The following PEX14 variants were observed in gnomAD, a reference collection of about 807,000 sequenced individuals.
PEX14 encodes the protein peroxisomal biogenesis factor 14, also known as peroxisomal membrane protein PEX14.
In PEX14, 15 loss-of-function variants were observed where a neutral mutation model predicts 49.5. That is an observed-to-expected ratio of 0.30 (90% CI 0.20 to 0.47). The LOEUF is 0.47. Ranked by LOEUF, PEX14 falls within the 20% of genes least tolerant of loss-of-function variation. The pLI, the probability that PEX14 is intolerant of heterozygous loss-of-function variation, is 1.00. For synonymous variants in PEX14, 210 were observed against 212.7 expected, an observed-to-expected ratio of 0.99 and a Z score of 0.11; for missense variants, 398 against 494.8, an observed-to-expected ratio of 0.80 and a Z score of 1.86.
Position 10,630,163 on chromosome 1 carries a change from T to A in PEX14, c.*176T>A, listed in dbSNP as rs1338101937. 2.0e-6 allele frequency: 2 copies of A among 1,023,204 alleles called. No individual in the cohort carries two copies. The highest frequency in any genetic ancestry group is 3.2e-5 in the African/African-American group (2 of 62,276). The allele number at this position is 1,023,204 out of a possible 1,614,324, so 63.4% of individuals were successfully genotyped here. On this transcript the variant is annotated 3_prime_UTR_variant, in exon 9 of 9. Coordinates refer to ENST00000356607, the MANE Select transcript of PEX14 (RefSeq NM_004565.3). The surrounding 1 kb of genome is among the most constrained non-coding windows in gnomAD (Gnocchi z 4.1). ...GTGGGGAGTCACACTTCTGTCCACC[T>A]GGCCTCCTCTCGCCTGGCCGCCAGC...
rs1212178309 is a variant in PEX14, at chr1:10,539,082, G to T, written c.169+2785G>T. ...GCATGTCAGTTCAGTGGAAAATGAG[G>T]CGCATCAGCTGAGTTTGTTTCATTG... On this transcript the variant is annotated intron_variant, in intron 3 of 8. Coordinates refer to ENST00000356607, the MANE Select transcript of PEX14 (RefSeq NM_004565.3). The surrounding 1 kb of genome is among the most constrained non-coding windows in gnomAD (Gnocchi z 4.6). 6.6e-6 allele frequency among the ~76,000 whole-genome samples: 1 copy of T among 152,080 alleles called. No homozygotes were observed. The highest frequency in any genetic ancestry group is 6.5e-5 in the Admixed American group (1 of 15,276).
chr1:10,618,270 GC>G, intron 4 of PEX14, 61 bp from the exon 5 acceptor site: 1 of 1,326,806 alleles, frequency 7.5e-7, no homozygotes. Flanking sequence ...ACCTGTGCCA[GC>G]CCCCACCCGA....
rs1641530564 is a variant in PEX14, at chr1:10,494,862, A to G, written c.37-412A>G. ...GAATCTGGTTCTCCACTGCTGCGCG[A>G]CTTTTCTTCCCAGTCCCCTGACGTT... On this transcript the variant is annotated intron_variant, in intron 1 of 8. Coordinates refer to ENST00000356607, the MANE Select transcript of PEX14 (RefSeq NM_004565.3). This position sits in a 1 kb window ranked among gnomAD's most constrained non-coding sequence, Gnocchi z 4.3. Among the ~76,000 whole-genome samples the G allele has an allele frequency of 6.6e-6, 1 of 152,162 alleles. No homozygotes were observed. Among genetic ancestry groups the G allele is most frequent in the Admixed American group, 6.5e-5 (1 of 15,268 alleles).
intron 2 of PEX14, among the ~76,000 whole-genome samples, chr1:10,502,454 T>C (rs1641698383): frequency 1.3e-5 from 2 of 152,242 alleles, no homozygotes; most frequent in African/African-American, 2.4e-5. Context: ...TTGCATAGAC[T>C]AGGCGGTGCC....
At chr1:10,523,768 T>G (rs1001440208) in intron 2 of PEX14, among the ~76,000 whole-genome samples, 1 of 151,068 alleles carries the variant, frequency 6.6e-6, no homozygotes, top group Non-Finnish European at 1.5e-5. Context: ...ATCGATATTC[T>G]AGGAGAAGCT....
chr1:10,593,400 A>C (rs1171821727), intron 3 of PEX14, among the ~76,000 whole-genome samples: 1 of 152,130 alleles, frequency 6.6e-6, no homozygotes, highest in Non-Finnish European at 1.5e-5. Context: ...GGGCATCATC[A>C]GCAACTTTTT....
chr1:10,495,419 C>T lies in PEX14; in HGVS notation c.84+98C>T. The T allele has an allele frequency of 1.0e-6, 1 of 998,990 alleles. No homozygotes were observed. The highest frequency in any genetic ancestry group is 2.6e-5 in the East Asian group (1 of 38,496). 61.9% of individuals were successfully genotyped at this position (998,990 alleles called of 1,614,324 possible). ...TCCTATGGTTCTGCGTCAGTAGTGT[C>T]CCTTTAAAAGTAGCTGTTACCTAGA... On this transcript the variant is annotated intron_variant, in intron 2 of 8. Transcript: ENST00000356607. This position sits in a 1 kb window ranked among gnomAD's most constrained non-coding sequence, Gnocchi z 4.2.
chr1:10,519,661 C>T (rs1329175208), intron 2 of PEX14, among the ~76,000 whole-genome samples: 1 of 152,250 alleles, frequency 6.6e-6, no homozygotes, highest in Non-Finnish European at 1.5e-5. Context: ...TTAAATATTT[C>T]TACAGAGACA....
intron 1 of PEX14, among the ~76,000 whole-genome samples, chr1:10,485,352 G>A (rs1182155089): frequency 1.6e-5 from 2 of 128,556 alleles, no homozygotes; most frequent in Middle Eastern, 5.0e-3. Context: ...TGTCTTTGTC[G>A]CCCAAGCTGG....
At chr1:10,579,041 C>T (rs1640234683) in intron 3 of PEX14, among the ~76,000 whole-genome samples, 1 of 135,740 alleles carries the variant, frequency 7.4e-6, no homozygotes, top group Non-Finnish European at 1.7e-5. Flanking sequence ...GAGAAATTTC[C>T]AATTTTGATT....
chr1:10,545,835 A>G (rs910739358), intron 3 of PEX14, among the ~76,000 whole-genome samples: 47 of 151,820 alleles, frequency 3.1e-4, no homozygotes, highest in Non-Finnish European at 1.0e-4. Context: ...CTTTAGATGG[A>G]AGGGTTGAGA....
At chr1:10,571,530 C>T (rs565579648) in intron 3 of PEX14, among the ~76,000 whole-genome samples, 13 of 152,040 alleles carry the variant, frequency 8.6e-5, no homozygotes, top group Non-Finnish European at 1.6e-4. Context: ...TAAGATGGGC[C>T]GGGCACAGTG....
chr1:10,583,873 G>A (rs965679688), intron 3 of PEX14, among the ~76,000 whole-genome samples: 1 of 152,100 alleles, frequency 6.6e-6, no homozygotes, highest in African/African-American at 2.4e-5. Flanking sequence ...GCAAATTCCA[G>A]GAACAAGAAT....
intron 6 of PEX14, 22 bp from the exon 7 acceptor site, chr1:10,624,301 TGTGAATTTGCCAGCGCC>T: frequency 7.6e-7 from 1 of 1,322,932 alleles, no homozygotes; most frequent in African/African-American, 1.4e-5. Context: ...CGTCTGTGCC[TGTGAATTTGCCAGCGCC>T]GTGACTGCTT....
chr1:10,589,519 G>A (rs1003456142), intron 3 of PEX14, among the ~76,000 whole-genome samples: 2 of 151,988 alleles, frequency 1.3e-5, no homozygotes, highest in Non-Finnish European at 2.9e-5. Context: ...CAAGTAGCTG[G>A]CACTACAGGT....
intron 3 of PEX14, among the ~76,000 whole-genome samples, chr1:10,555,786 A>G (rs940604688): frequency 6.6e-6 from 1 of 152,182 alleles, no homozygotes; most frequent in South Asian, 2.1e-4. Context: ...TTGCCCGTTC[A>G]TTAGGTTTTC....
In PEX14 at chr1:10,494,809, C is replaced by T. The variant is rs927110445; in HGVS notation, c.37-465C>T. On this transcript the variant is annotated intron_variant, in intron 1 of 8. Transcript: ENST00000356607. This position sits in a 1 kb window ranked among gnomAD's most constrained non-coding sequence, Gnocchi z 4.3. The stretch of plus-strand genomic sequence containing the variant: ...CTAGATGCCCAGAGAAAATCCTGAG[C>T]GTGGGCAGCTGGGGCCCCCTGGTGG... Among the ~76,000 whole-genome samples, 6 of 152,210 alleles carry T rather than the reference C, an allele frequency of 3.9e-5. No homozygotes were observed. The highest frequency in any genetic ancestry group is 1.3e-4 in the Admixed American group (2 of 15,282).
rs149847550 is a variant in PEX14, at chr1:10,534,347, C to T, written c.85-1866C>T. On this transcript the variant is annotated intron_variant, in intron 2 of 8. Transcript: ENST00000356607. Reference sequence around the variant, plus strand: ...CTTTCCAGAGCAGGGGCCTCGCTTCCGTTGGTTTTTCTGCTTGTCTCTCAT... The same window carrying T: ...CTTTCCAGAGCAGGGGCCTCGCTTCTGTTGGTTTTTCTGCTTGTCTCTCAT... Among the ~76,000 whole-genome samples the T allele has an allele frequency of 2.9e-3, 434 of 152,166 alleles. 1 individual carries two copies. The highest frequency in any genetic ancestry group is 1.0e-2 in the African/African-American group (415 of 41,530).
At position 10,599,378 on chromosome 1, in the gene PEX14, G is replaced by A. The variant is rs572650599; in HGVS notation, c.298+12G>A. The stretch of plus-strand genomic sequence containing the variant: ...ATCTCAGCCATACAGTAAGTCACCC[G>A]CTCAAACTCCTGCTTAACCTTGATT... On this transcript the variant is annotated intron_variant, in intron 4 of 8. Coordinates refer to ENST00000356607, the MANE Select transcript of PEX14 (RefSeq NM_004565.3). 20 of 1,613,928 alleles carry A rather than the reference G, an allele frequency of 1.2e-5. No homozygotes were observed. Among genetic ancestry groups the A allele is most frequent in the Middle Eastern group, 1.6e-4 (1 of 6,062 alleles).
Sources: gnomAD v4.1 joint callset for allele counts (sites outside exome capture counted in the v4.1 genomes callset) on GRCh38, gnomAD v4.1.1 for gene constraint, Gnocchi (gnomAD v3.1) non-coding constraint, MANE v1.5 for transcripts, NCBI Gene and HGNC (gene_info 2026-07-23, HGNC 2026-07-21) for gene names.